TTLL9: variants seen among roughly 807,000 people sequenced by gnomAD.
TTLL9 encodes tubulin tyrosine ligase like 9, also known as probable tubulin polyglutamylase TTLL9.
In TTLL9, 47 loss-of-function variants were observed where a neutral mutation model predicts 65.6. That is an observed-to-expected ratio of 0.72 (90% CI 0.57 to 0.91). The LOEUF (loss-of-function observed/expected upper bound fraction) is 0.91, where lower values mean the gene tolerates loss of function less well. TTLL9 is among the 40% of genes least tolerant of loss of function. The pLI is 0.00. For synonymous variants in TTLL9, 179 were observed against 204.8 expected (o/e 0.87, Z 1.07); for missense variants, 537 against 568.8 (o/e 0.94, Z 0.57).
chr20:31,883,841 A>C (rs2063151606), intron 2 of TTLL9, among the ~76,000 whole-genome samples: 1 of 152,214 alleles, frequency 6.6e-6, no homozygotes, highest in African/African-American at 2.4e-5. Context: ...CATTCTTAAA[A>C]GCTGAAATAG....
chr20:31,895,577 C>T (rs2063372204), intron 3 of TTLL9, among the ~76,000 whole-genome samples: 1 of 152,132 alleles, frequency 6.6e-6, no homozygotes, highest in South Asian at 2.1e-4. Flanking sequence ...CACTCTGTAG[C>T]CCAGGCTGGA....
chr20:31,913,830 C>T (rs1487911890), intron 6 of TTLL9, among the ~76,000 whole-genome samples: 2 of 152,230 alleles, frequency 1.3e-5, no homozygotes, highest in Non-Finnish European at 2.9e-5. Flanking sequence ...AGCATTCTCC[C>T]CTGCCAGCAG....
chr20:31,881,742 T>A (rs1258901788), intron 2 of TTLL9, among the ~76,000 whole-genome samples: 1 of 152,008 alleles, frequency 6.6e-6, no homozygotes, highest in Non-Finnish European at 1.5e-5. Flanking sequence ...CATATCACTT[T>A]ATGAAAGTGT....
chr20:31,934,545 C>T, intron 11 of TTLL9, 147 bp from the exon 12 acceptor site: 1 of 745,062 alleles, frequency 1.3e-6, no homozygotes, highest in South Asian at 1.7e-5. Context: ...AGGGGCACAC[C>T]TGGGGTCATC....
chr20:31,906,163 A>G (rs1260070274), intron 4 of TTLL9, among the ~76,000 whole-genome samples: 1 of 152,194 alleles, frequency 6.6e-6, no homozygotes, highest in Non-Finnish European at 1.5e-5. Context: ...TAGCTGCTTA[A>G]GACAGCATTG....
chr20:31,875,392 C>T (rs1287711831), intron 2 of TTLL9, among the ~76,000 whole-genome samples: 1 of 152,136 alleles, frequency 6.6e-6, no homozygotes, highest in Non-Finnish European at 1.5e-5. Context: ...TCTCTACTCC[C>T]TTCATTAGGG....
intron 2 of TTLL9, among the ~76,000 whole-genome samples, chr20:31,884,572 T>C (rs969617383): frequency 9.9e-5 from 15 of 152,180 alleles, no homozygotes; most frequent in African/African-American, 3.6e-4. Flanking sequence ...GGGGTCTCGC[T>C]GGGCTAAAAT....
chr20:31,890,010 CTTTCTTTCT>C (rs1402123466), intron 3 of TTLL9, among the ~76,000 whole-genome samples: 1 of 141,704 alleles, frequency 7.1e-6, no homozygotes, highest in African/African-American at 2.9e-5. Flanking sequence ...TTCTTTCTTT[CTTTCTTTCT>C]TTCTTTCTTT....
At chr20:31,922,264 C>CAA (rs35848180) in intron 7 of TTLL9, among the ~76,000 whole-genome samples, 28 of 132,276 alleles carry the variant, frequency 2.1e-4, no homozygotes, top group East Asian at 1.1e-3. Context: ...GACTCATTCT[C>CAA]AAAAAAAAAA....
At chr20:31,881,312 C>G (rs1329407152) in intron 2 of TTLL9, among the ~76,000 whole-genome samples, 1 of 152,212 alleles carries the variant, frequency 6.6e-6, no homozygotes, top group Non-Finnish European at 1.5e-5. Context: ...GGGATCTAAT[C>G]TGACTTGTTC....
chr20:31,934,368 GCAGCCTGTCGGT>G (rs1470184015), intron 11 of TTLL9: 1 of 540,486 alleles, frequency 1.9e-6, no homozygotes, highest in South Asian at 1.5e-5. Context: ...CCTGAAAATG[GCAGCCTGTCGGT>G]CACTCCTTGG....
At chr20:31,876,125 AT>A (rs777256220) in intron 2 of TTLL9, among the ~76,000 whole-genome samples, 5 of 152,210 alleles carry the variant, frequency 3.3e-5, no homozygotes, top group Admixed American at 6.5e-5. Context: ...AATCTGGATC[AT>A]TCTTATCACT....
At chr20:31,900,596 A>G (rs2063464067) in intron 4 of TTLL9, among the ~76,000 whole-genome samples, 1 of 152,236 alleles carries the variant, frequency 6.6e-6, no homozygotes, top group Admixed American at 6.5e-5. Flanking sequence ...TTTGGGGAAT[A>G]TTACAACAAT....
At chr20:31,878,775 A>G (rs986749868) in intron 2 of TTLL9, among the ~76,000 whole-genome samples, 5 of 152,220 alleles carry the variant, frequency 3.3e-5, no homozygotes, top group African/African-American at 1.2e-4. Flanking sequence ...GACTCTGAAC[A>G]ATTAAACTCT....
At chr20:31,942,877 T>TG in intron 14 of TTLL9, 68 bp from the exon 15 acceptor site, 1 of 1,508,744 alleles carries the variant, frequency 6.6e-7, no homozygotes. Flanking sequence ...AGCAGGGAGT[T>TG]GGGGCACAGG....
chr20:31,927,385 G>A lies in TTLL9; in HGVS notation c.748+1294G>A, dbSNP rs566680742. The stretch of plus-strand genomic sequence containing the variant: ...AATCCTAGCTACTAGGGAGGCTGAG[G>A]CATGAGAATCCCTTGAACCTGGGAG... On this transcript the variant is annotated intron_variant, in intron 10 of 14. Coordinates refer to ENST00000535842, the MANE Select transcript of TTLL9 (RefSeq NM_001008409.5). 5.4e-5 allele frequency among the ~76,000 whole-genome samples: 8 copies of A among 148,732 alleles called. No homozygotes were observed. The South Asian group carries it at 1.5e-3, about 27-fold the overall frequency.
At chr20:31,937,570 G>A (rs1052400867) in intron 13 of TTLL9, 61 bp downstream of exon 13, 4 of 1,373,774 alleles carry the variant, frequency 2.9e-6, no homozygotes, top group Non-Finnish European at 4.1e-6. Flanking sequence ...TCCCACCAAG[G>A]AAGAGGGGGA....
intron 2 of TTLL9, among the ~76,000 whole-genome samples, chr20:31,880,824 TG>T (rs1291306969): frequency 6.7e-6 from 1 of 150,132 alleles, no homozygotes; most frequent in African/African-American, 2.5e-5. Context: ...CATTCATGAA[TG>T]GCACCTTCAT....
chr20:31,904,350 C>CT (rs71185374), intron 4 of TTLL9, among the ~76,000 whole-genome samples: 13,091 of 81,902 alleles, frequency 0.16, 1,609 homozygotes, highest in Non-Finnish European at 0.19. Flanking sequence ...TTTGATAATT[C>CT]TTTTTTTTTT....
Sources: gnomAD v4.1 joint callset for allele counts (sites outside exome capture counted in the v4.1 genomes callset) on GRCh38, gnomAD v4.1.1 for gene constraint, MANE v1.5 for transcripts, NCBI Gene and HGNC (gene_info 2026-07-23, HGNC 2026-07-21) for gene names.